Variants in LTBP2 observed in about 807,000 individuals in gnomAD.
The protein encoded by LTBP2 is latent-transforming growth factor beta-binding protein 2.
A neutral mutation model predicts 210.6 loss-of-function variants in LTBP2; 103 were observed. The observed-to-expected ratio is 0.49, with a 90% confidence interval of 0.42 to 0.58. LTBP2 has a LOEUF of 0.58. Ranked by LOEUF, LTBP2 falls within the 20% of genes least tolerant of loss-of-function variation. The probability of loss-of-function intolerance (pLI) is 0.00; values close to 1 mark genes in which losing one functional copy is unlikely to be tolerated. For synonymous variants in LTBP2, 1,007 were observed against 1,015.0 expected (o/e 0.99, Z 0.15); for missense variants, 2,313 against 2,494.5 (o/e 0.93, Z 1.55).
intron 12 of LTBP2, 44 bp from the exon 13 acceptor site, chr14:74,527,410 G>A: frequency 6.3e-7 from 1 of 1,595,112 alleles, no homozygotes; most frequent in Non-Finnish European, 8.5e-7. Flanking sequence ...AGGAGGGTCT[G>A]GCTGCCTTCT....
At chr14:74,512,677 C>T (rs2087087138) in intron 18 of LTBP2, among the ~76,000 whole-genome samples, 1 of 152,222 alleles carries the variant, frequency 6.6e-6, no homozygotes, top group Admixed American at 6.5e-5. Context: ...GGGGACATCG[C>T]CACAGGGCAG....
At chr14:74,507,458 G>GGAA in intron 25 of LTBP2, 148 bp from the exon 26 acceptor site, 1 of 1,101,694 alleles carries the variant, frequency 9.1e-7, no homozygotes, top group Non-Finnish European at 1.4e-6. Flanking sequence ...AGGTCAGGAC[G>GGAA]ATTTCCCCTG....
At chr14:74,550,936 G>T in intron 7 of LTBP2, 128 bp downstream of exon 7, 2 of 1,238,628 alleles carry the variant, frequency 1.6e-6, no homozygotes, top group Non-Finnish European at 2.3e-6. Context: ...TCCCATCTGG[G>T]AAATGGGAGA....
chr14:74,540,700 G>C (rs1183256745), intron 8 of LTBP2, among the ~76,000 whole-genome samples: 1 of 143,308 alleles, frequency 7.0e-6, no homozygotes, highest in Non-Finnish European at 1.5e-5. Context: ...AGGAGGCGGA[G>C]CTTGCAGTGA....
chr14:74,501,641 T>C, intron 34 of LTBP2, 51 bp from the exon 35 acceptor site: 1 of 1,611,216 alleles, frequency 6.2e-7, no homozygotes, highest in Non-Finnish European at 8.5e-7. Flanking sequence ...GTGTCCAGAC[T>C]CTCCCTAATG....
rs1595234308 is a variant in LTBP2 at position 74,500,274 on chromosome 14, C to T, written c.*610G>A. 5.8e-5 allele frequency: 14 copies of T among 240,724 alleles called. No individual in the cohort carries two copies. In the East Asian group the frequency reaches 8.3e-4, roughly 14 times the overall value. The allele number at this position is 240,724 out of a possible 1,614,324, so 14.9% of individuals were successfully genotyped here. Reference sequence around the variant, plus strand: ...CAACAAGCTAATATCAGCCTTGCTTCTCTGAGTGAAGGGATCTTCTGCCAC... The same window carrying T: ...CAACAAGCTAATATCAGCCTTGCTTTTCTGAGTGAAGGGATCTTCTGCCAC... On this transcript the variant is annotated 3_prime_UTR_variant, in exon 36 of 36. Coordinates refer to ENST00000261978, the MANE Select transcript of LTBP2 (RefSeq NM_000428.3).
At chr14:74,529,188 G>A in intron 10 of LTBP2, 66 bp from the exon 11 acceptor site, 1 of 1,531,888 alleles carries the variant, frequency 6.5e-7, no homozygotes, top group Non-Finnish European at 8.8e-7. Flanking sequence ...CAGCTGGGAG[G>A]GCAGTGGATG....
At chr14:74,526,572 A>C (rs1427381291) in intron 13 of LTBP2, among the ~76,000 whole-genome samples, 1 of 152,172 alleles carries the variant, frequency 6.6e-6, no homozygotes, top group Non-Finnish European at 1.5e-5. Flanking sequence ...AGAGGTGGGG[A>C]TGTAACAGCA....
chr14:74,507,070 C>T, intron 26 of LTBP2, 109 bp downstream of exon 26: 2 of 1,588,858 alleles, frequency 1.3e-6, no homozygotes, highest in East Asian at 2.2e-5. Flanking sequence ...ATACAAGCTA[C>T]AATCAGCTGC....
Position 74,508,088 on chromosome 14 carries a change from G to A in LTBP2, c.3660C>T (p.Asp1220=), listed in dbSNP as rs764055325. 3.8e-5 allele frequency: 62 copies of A among 1,613,644 alleles called. No homozygotes were observed. The highest frequency in any genetic ancestry group is 4.6e-5 in the Non-Finnish European group (54 of 1,180,002). ...AEGGTSCQDV[D]ECATTDPCVG... is the part of the protein sequence containing the mutation. ...CACACGGGTCTGTGGTGGCACACTC[G>A]TCCACATCTAGAGTAGAGATGGCTG... is the stretch of plus-strand genomic sequence containing the variant. The change falls in exon 25 of 36, where the codon GAC becomes GAT. Residue 1220 remains aspartate (D), a synonymous_variant. Transcript: ENST00000261978.
At chr14:74,526,289 T>C (rs1432194004) in intron 13 of LTBP2, among the ~76,000 whole-genome samples, 175 bp from the exon 14 acceptor site, 1 of 152,388 alleles carries the variant, frequency 6.6e-6, no homozygotes, top group South Asian at 2.1e-4. Context: ...CCAGGCACTT[T>C]ACACACACTC....
intron 33 of LTBP2, 132 bp downstream of exon 33, chr14:74,503,087 C>T (rs1461837368): frequency 2.7e-5 from 41 of 1,502,934 alleles, no homozygotes; most frequent in Non-Finnish European, 3.3e-5. Context: ...TACTTTGTCC[C>T]CAAACAGCAG....
chr14:74,550,994 G>T, intron 7 of LTBP2, 70 bp downstream of exon 7: 1 of 1,568,082 alleles, frequency 6.4e-7, no homozygotes, highest in East Asian at 2.2e-5. Flanking sequence ...CAGAGAGGAG[G>T]AGAAGGGCAG....
chr14:74,535,432 C>T (rs537978592), intron 9 of LTBP2, among the ~76,000 whole-genome samples: 2 of 152,314 alleles, frequency 1.3e-5, no homozygotes, highest in South Asian at 2.1e-4. Flanking sequence ...AGGAAGCCCC[C>T]GTGCTCCCCG....
intron 1 of LTBP2, among the ~76,000 whole-genome samples, chr14:74,606,212 G>T (rs2088524429): frequency 6.6e-6 from 1 of 152,162 alleles, no homozygotes; most frequent in African/African-American, 2.4e-5. Context: ...TGGGAGAGCT[G>T]CTATTCCACC....
rs552717140 is a variant in LTBP2 at position 74,507,786 on chromosome 14, C to T, written c.3775+187G>A. 2.6e-5 allele frequency among the ~76,000 whole-genome samples: 4 copies of T among 152,370 alleles called. No homozygotes were observed. In the South Asian group the frequency reaches 6.2e-4, roughly 24 times the overall value. On this transcript the variant is annotated intron_variant, in intron 25 of 35. Transcript: ENST00000261978. Reference sequence around the variant, plus strand: ...AACTAGATTGTGTGCTCTGCCAGCACGAAGATGATGATTGTCTTCATTTTG... The same window carrying T: ...AACTAGATTGTGTGCTCTGCCAGCATGAAGATGATGATTGTCTTCATTTTG...
intron 4 of LTBP2, among the ~76,000 whole-genome samples, chr14:74,554,734 G>A (rs1338588615): frequency 6.6e-6 from 1 of 152,140 alleles, no homozygotes; most frequent in Non-Finnish European, 1.5e-5. Flanking sequence ...ATGAAATAGT[G>A]GTGACGGTTG....
chr14:74,510,298 G>A, intron 19 of LTBP2, 85 bp from the exon 20 acceptor site: 4 of 1,588,054 alleles, frequency 2.5e-6, no homozygotes, highest in Non-Finnish European at 3.4e-6. Context: ...TCTCAGTTAT[G>A]AGGCCAGGGA....
chr14:74,580,795 A>T (rs956412829), intron 3 of LTBP2, among the ~76,000 whole-genome samples: 1 of 152,030 alleles, frequency 6.6e-6, no homozygotes, highest in Admixed American at 6.6e-5. Flanking sequence ...CCACGTCTAT[A>T]AAAAAATACA....
Sources: allele counts gnomAD v4.1 joint callset (sites outside exome capture counted in the v4.1 genomes callset), GRCh38; gene constraint gnomAD v4.1.1; transcripts MANE v1.5; gene names NCBI Gene and HGNC (gene_info 2026-07-23, HGNC 2026-07-21).